The following FGF13 variants were observed in gnomAD, a reference collection of about 807,000 sequenced individuals.
FGF13 encodes fibroblast growth factor homologous factor 2.
FGF13 carries 2 observed loss-of-function variants against 19.5 expected under a neutral mutation model. The ratio of observed to expected loss-of-function variants is 0.10; its 90% CI spans 0.04 to 0.32. FGF13 has a LOEUF of 0.32. Ranked by LOEUF, FGF13 falls within the 10% of genes least tolerant of loss-of-function variation. The probability of loss-of-function intolerance (pLI) is 1.00; values close to 1 mark genes in which losing one functional copy is unlikely to be tolerated. For synonymous variants in FGF13, 72 were observed against 76.9 expected (o/e 0.94, Z 0.33); for missense variants, 113 against 192.7 (o/e 0.59, Z 2.45).
At chrX:138,823,040 G>C (rs556277891) in intron 3 of FGF13, among the ~76,000 whole-genome samples, 1 of 111,751 alleles carries the variant, frequency 8.9e-6, no homozygotes, top group South Asian at 3.8e-4. Context: ...TTATGGAGAA[G>C]GGGGAAAGGC....
chrX:139,182,897 T>G (rs1039491294), intron 1 of FGF13, among the ~76,000 whole-genome samples: 8 of 111,579 alleles, frequency 7.2e-5, no homozygotes, highest in African/African-American at 9.8e-5. Flanking sequence ...GCTTAGTGGG[T>G]GCTTAATGTT....
intron 1 of FGF13, among the ~76,000 whole-genome samples, chrX:138,968,577 A>G (rs776442557): frequency 1.8e-5 from 2 of 112,312 alleles, no homozygotes; most frequent in Non-Finnish European, 3.8e-5. Flanking sequence ...TACTGTGAAG[A>G]CAGAGTAGAA....
chrX:138,767,020 C>T (rs2090507630), intron 3 of FGF13, among the ~76,000 whole-genome samples: 1 of 111,771 alleles, frequency 8.9e-6, no homozygotes, highest in Admixed American at 9.6e-5. Context: ...AGCATCCATG[C>T]CCAGATGATT....
At chrX:139,142,558 A>G (rs1320373896) in intron 1 of FGF13, among the ~76,000 whole-genome samples, 1 of 111,475 alleles carries the variant, frequency 9.0e-6, no homozygotes, top group Non-Finnish European at 1.9e-5. Context: ...TTCTGGGTAC[A>G]ATGTAATGGT....
At chrX:139,024,796 A>T (rs138584992) in intron 1 of FGF13, among the ~76,000 whole-genome samples, 2,439 of 111,321 alleles carry the variant, frequency 0.022, 80 homozygotes, top group African/African-American at 0.075. Flanking sequence ...AGTATTGGTG[A>T]TCTGGCCCTG....
At chrX:139,017,039 C>T (rs2092156247) in intron 1 of FGF13, among the ~76,000 whole-genome samples, 1 of 108,391 alleles carries the variant, frequency 9.2e-6, no homozygotes, top group Non-Finnish European at 1.9e-5. Flanking sequence ...ACCCATTTTA[C>T]TCCAGAATAT....
intron 1 of FGF13, among the ~76,000 whole-genome samples, chrX:139,059,994 T>C (rs933307351): frequency 1.8e-5 from 2 of 111,989 alleles, no homozygotes; most frequent in Non-Finnish European, 3.8e-5. Context: ...TGATAGTCCC[T>C]CAAAAGTCCC....
At chrX:139,043,355 G>A (rs1255633039) in intron 1 of FGF13, among the ~76,000 whole-genome samples, 1 of 110,538 alleles carries the variant, frequency 9.0e-6, no homozygotes, top group Admixed American at 9.6e-5. Context: ...GGGATTACAG[G>A]CGACTGCCAC....
At chrX:138,835,729 A>G (rs1051619183) in intron 3 of FGF13, among the ~76,000 whole-genome samples, 1 of 111,907 alleles carries the variant, frequency 8.9e-6, no homozygotes, top group Admixed American at 9.5e-5. Context: ...GTGGTGCTGT[A>G]TAATGTCACT....
At chrX:139,144,850 T>G (rs1282783659) in intron 1 of FGF13, among the ~76,000 whole-genome samples, 2 of 109,326 alleles carry the variant, frequency 1.8e-5, no homozygotes, top group Non-Finnish European at 1.9e-5. Flanking sequence ...CAATATATAT[T>G]GAATTATAAA....
chrX:138,935,298 GA>G (rs1463740047), intron 1 of FGF13, among the ~76,000 whole-genome samples: 1 of 110,185 alleles, frequency 9.1e-6, no homozygotes, highest in African/African-American at 3.3e-5. Flanking sequence ...ACAGTTTGGG[GA>G]AAAAATGAAA....
At chrX:138,695,648 T>G (rs926379955) in intron 3 of FGF13, among the ~76,000 whole-genome samples, 4 of 111,708 alleles carry the variant, frequency 3.6e-5, no homozygotes, top group South Asian at 3.7e-4. Context: ...ATAGGATATA[T>G]GGAGTCATTT....
chrX:139,158,760 G>A (rs998278240), intron 1 of FGF13, among the ~76,000 whole-genome samples: 13 of 111,349 alleles, frequency 1.2e-4, no homozygotes, highest in Non-Finnish European at 1.9e-4. Flanking sequence ...AATAAAGCAT[G>A]AAGAGAAGAT....
Position 138,981,318 on chromosome X carries a change from TACACACACACACAC to T in FGF13, c.-112-116682_-112-116669del, listed in dbSNP as rs57954256. Among the ~76,000 whole-genome samples the T allele has an allele frequency of 3.9e-3, 379 of 96,995 alleles. 2 individuals are homozygous for T. Among genetic ancestry groups the T allele is most frequent in the African/African-American group, 0.01 (260 of 25,845 alleles). 84.2% of individuals were successfully genotyped at this position (96,995 alleles called of 115,157 possible). On this transcript the variant is annotated intron_variant, in intron 1 of 2. Transcript: ENST00000421460. ...CACAGCTGGAACAAAATTGTGTGCT[TACACACACACACAC>T]ACACACACACACACACACACACACA...
At chrX:138,784,107 T>C (rs1382885781) in intron 3 of FGF13, among the ~76,000 whole-genome samples, 4 of 90,922 alleles carry the variant, frequency 4.4e-5, no homozygotes, top group South Asian at 6.4e-4. Context: ...TAGGTGGGAA[T>C]TGAACAATGA....
intron 1 of FGF13, among the ~76,000 whole-genome samples, chrX:139,183,286 C>T (rs912262440): frequency 8.9e-6 from 1 of 112,269 alleles, no homozygotes; most frequent in African/African-American, 3.2e-5. Context: ...ATCAACTCTG[C>T]CCTTCCAGAC....
chrX:138,823,469 T>C (rs186130777), intron 3 of FGF13, among the ~76,000 whole-genome samples: 43 of 111,090 alleles, frequency 3.9e-4, no homozygotes, highest in Admixed American at 3.0e-3. Context: ...CCCTTTTTTT[T>C]CCTTTTTACC....
intron 3 of FGF13, among the ~76,000 whole-genome samples, chrX:138,820,941 C>T (rs1347265997): frequency 1.8e-5 from 2 of 111,254 alleles, no homozygotes; most frequent in East Asian, 2.9e-4. Flanking sequence ...TTGTCAGGGA[C>T]CAGCTCAGAG....
intron 1 of FGF13, among the ~76,000 whole-genome samples, chrX:138,737,587 A>G (rs1047517553): frequency 8.9e-6 from 1 of 112,086 alleles, no homozygotes; most frequent in Non-Finnish European, 1.9e-5. Context: ...GCATAAAGTT[A>G]GTTTGTGCTT....
Sources: gnomAD v4.1 joint callset for allele counts (sites outside exome capture counted in the v4.1 genomes callset) on GRCh38, gnomAD v4.1.1 for gene constraint, MANE v1.5 for transcripts, NCBI Gene and HGNC (gene_info 2026-07-23, HGNC 2026-07-21) for gene names.